ZSWIM7: variants seen among roughly 807,000 people sequenced by gnomAD.
ZSWIM7 encodes zinc finger SWIM domain-containing protein 7.
In ZSWIM7, 22 loss-of-function variants were observed where a neutral mutation model predicts 21.1. The ratio of observed to expected loss-of-function variants is 1.04; its 90% CI spans 0.74 to 1.49. The LOEUF is 1.49. Among genes scored for constraint, ZSWIM7 ranks in the 40% most tolerant of loss-of-function variants. The pLI, the probability that ZSWIM7 is intolerant of heterozygous loss-of-function variation, is 0.00. For synonymous variants in ZSWIM7, 67 were observed against 66.5 expected, an observed-to-expected ratio of 1.01 and a Z score of -0.04; for missense variants, 193 against 168.0, an observed-to-expected ratio of 1.15 and a Z score of -0.82.
At chr17:15,998,540 A>G (rs536003896) in intron 1 of ZSWIM7, among the ~76,000 whole-genome samples, 2 of 152,334 alleles carry the variant, frequency 1.3e-5, no homozygotes, top group South Asian at 4.1e-4. Flanking sequence ...TCCTAAGAGT[A>G]GTTCATTAGT....
At chr17:15,984,585 GTTTTA>G (rs1355794515) in intron 3 of ZSWIM7, among the ~76,000 whole-genome samples, 2 of 152,210 alleles carry the variant, frequency 1.3e-5, no homozygotes, top group East Asian at 1.9e-4. Flanking sequence ...CATGGGTACA[GTTTTA>G]TTTTATGACC....
At chr17:15,988,535 A>G (rs757703064) in intron 2 of ZSWIM7, among the ~76,000 whole-genome samples, 3 of 152,134 alleles carry the variant, frequency 2.0e-5, no homozygotes, top group Non-Finnish European at 2.9e-5. Context: ...CAAAGTGGAA[A>G]CAGGAGTGGT....
At chr17:15,982,960 G>A (rs958212153) in intron 3 of ZSWIM7, among the ~76,000 whole-genome samples, 7 of 152,202 alleles carry the variant, frequency 4.6e-5, no homozygotes, top group South Asian at 4.1e-4. Context: ...GCCTCAGTAT[G>A]GTTTTTTGAC....
In ZSWIM7 at chr17:15,999,615, C is replaced by T; in HGVS notation, c.-21G>A. On this transcript the variant is annotated 5_prime_UTR_variant, in exon 1 of 5. Transcript: ENST00000399277. ...GCCATCGCGCCGCAGGACACGCCCT[C>T]CACGACCGGCGGACCGCCGCGACGC... is the stretch of plus-strand genomic sequence containing the variant. The T allele has an allele frequency of 6.4e-7, 1 of 1,567,636 alleles. No individual in the cohort carries two copies. Among genetic ancestry groups the T allele is most frequent in the South Asian group, 1.2e-5 (1 of 86,022 alleles).
intron 4 of ZSWIM7, among the ~76,000 whole-genome samples, chr17:15,978,905 T>A (rs1429356092): frequency 6.6e-6 from 1 of 152,000 alleles, no homozygotes; most frequent in Non-Finnish European, 1.5e-5. Flanking sequence ...GGAAGACAGG[T>A]ATTGTAACCA....
intron 3 of ZSWIM7, among the ~76,000 whole-genome samples, chr17:15,986,612 A>G (rs1970414218): frequency 6.6e-6 from 1 of 152,078 alleles, no homozygotes; most frequent in Admixed American, 6.6e-5. Flanking sequence ...AACAAAAAAA[A>G]AAGTTGAACT....
rs776189517 is a variant in ZSWIM7, at chr17:15,999,575, G to A, written c.20C>T (p.Ala7Val). MAVVLP[A>V]VVEELLSEMA... ...CTCGCTCAGGAGCTCCTCCACAACCGCCGGCAACACTACGGCCATCGCGCC... is the reference window on the plus strand; with the variant it reads ...CTCGCTCAGGAGCTCCTCCACAACCACCGGCAACACTACGGCCATCGCGCC... The change falls in exon 1 of 5, where the codon GCG (alanine) becomes GTG (valine). Residue 7 changes from alanine (A) to valine (V), a missense_variant. Coordinates refer to ENST00000399277, the MANE Select transcript of ZSWIM7 (RefSeq NM_001042697.2). 3.1e-6 allele frequency: 5 copies of A among 1,590,524 alleles called. No individual in the cohort carries two copies. The highest frequency in any genetic ancestry group is 1.7e-5 in the Admixed American group (1 of 57,772).
intron 2 of ZSWIM7, among the ~76,000 whole-genome samples, chr17:15,992,595 A>T (rs565572168): frequency 6.6e-6 from 1 of 152,036 alleles, no homozygotes; most frequent in Non-Finnish European, 1.5e-5. Context: ...ATGCACCACC[A>T]TGCTTGGCTA....
intron 2 of ZSWIM7, chr17:15,991,062 C>T (rs901478499): frequency 4.6e-5 from 7 of 151,934 alleles, no homozygotes; most frequent in African/African-American, 7.3e-5. Context: ...GAGTTGAGAT[C>T]GCGCCACTGT....
At chr17:15,987,906 G>A (rs1403684313) in intron 2 of ZSWIM7, among the ~76,000 whole-genome samples, 1 of 151,952 alleles carries the variant, frequency 6.6e-6, no homozygotes, top group Non-Finnish European at 1.5e-5. Flanking sequence ...CACTGCGCCT[G>A]GCCTGTATTA....
At chr17:15,990,826 A>C (rs1970472548) in intron 2 of ZSWIM7, 1 of 152,204 alleles carries the variant, frequency 6.6e-6, no homozygotes, top group Non-Finnish European at 1.5e-5. Flanking sequence ...AATGAAATAA[A>C]ATTTGTCGGG....
Position 15,987,348 on chromosome 17 carries a change from G to T in ZSWIM7, c.119C>A (p.Ser40Ter). The T allele has an allele frequency of 1.2e-6, 2 of 1,613,166 alleles. No individual in the cohort carries two copies. The highest frequency in any genetic ancestry group is 1.7e-6 in the Non-Finnish European group (2 of 1,179,614). ...YLLSLKFLFG[S>*]SATQALDLVD... ...TAGGTCCAAGGCCTGGGTGGCTGAT[G>T]AGCCAAAGAGAAACTTCAGCCTGTG... The change falls in exon 3 of 5, where the codon TCA (serine) becomes TAA (stop). Residue 40 changes from serine (S) to a stop codon, truncating the protein, a stop_gained. Transcript: ENST00000399277. LOFTEE classifies it high-confidence loss of function.
At chr17:15,999,437 C>G in intron 1 of ZSWIM7, 82 bp downstream of exon 1, 1 of 1,537,314 alleles carries the variant, frequency 6.5e-7, no homozygotes, top group South Asian at 1.2e-5. Context: ...CCGGACACCC[C>G]GCCTCCTGCC....
At chr17:15,994,057 T>C in intron 1 of ZSWIM7, among the ~76,000 whole-genome samples, 1 of 152,216 alleles carries the variant, frequency 6.6e-6, no homozygotes, top group Admixed American at 6.5e-5. Context: ...TAAACCATTC[T>C]CTTGCCTCAG....
rs1342976239 is a variant in ZSWIM7, at chr17:15,977,088, T to C, written c.*959A>G. On this transcript the variant is annotated 3_prime_UTR_variant, in exon 5 of 5. Coordinates refer to ENST00000399277, the MANE Select transcript of ZSWIM7 (RefSeq NM_001042697.2). ...CACGATTTTTAGTCTGTTCCTTCAA[T>C]TGCCCTGTTGTAAAGATCAGAAGTG... The C allele has an allele frequency of 2.0e-5, 3 of 152,208 alleles. No homozygotes were observed. The highest frequency in any genetic ancestry group is 3.9e-4 in the East Asian group (2 of 5,190). 9.4% of individuals were successfully genotyped at this position (152,208 alleles called of 1,614,324 possible).
At chr17:15,983,211 G>A (rs977408785) in intron 3 of ZSWIM7, among the ~76,000 whole-genome samples, 5 of 151,682 alleles carry the variant, frequency 3.3e-5, no homozygotes, top group Non-Finnish European at 1.5e-5. Flanking sequence ...CAGGTGTGGT[G>A]GCGGGTGCCT....
intron 3 of ZSWIM7, among the ~76,000 whole-genome samples, chr17:15,985,523 T>C (rs1187281842): frequency 6.6e-6 from 1 of 152,160 alleles, no homozygotes; most frequent in East Asian, 1.9e-4. Flanking sequence ...ATTCTTACTA[T>C]ATTACCATAC....
intron 2 of ZSWIM7, among the ~76,000 whole-genome samples, chr17:15,992,565 G>A (rs1021648424): frequency 2.7e-5 from 4 of 148,814 alleles, no homozygotes; most frequent in Non-Finnish European, 4.4e-5. Flanking sequence ...TCAGCCTCCC[G>A]AATAGCTGGG....
chr17:15,999,428 C>G (rs753479270), intron 1 of ZSWIM7, 91 bp downstream of exon 1: 3 of 1,489,336 alleles, frequency 2.0e-6, no homozygotes, highest in Middle Eastern at 4.5e-4. Context: ...GGGCCAGGCC[C>G]GGACACCCCG....
Sources: allele counts gnomAD v4.1 joint callset (sites outside exome capture counted in the v4.1 genomes callset), GRCh38; gene constraint gnomAD v4.1.1; transcripts MANE v1.5; gene names NCBI Gene and HGNC (gene_info 2026-07-23, HGNC 2026-07-21).